ABHD2: variants seen among roughly 807,000 people sequenced by gnomAD.
ABHD2 encodes the protein abhydrolase domain containing 2, acylglycerol lipase, also known as monoacylglycerol lipase ABHD2.
A neutral mutation model predicts 48.1 loss-of-function variants in ABHD2; 20 were observed. That is an observed-to-expected ratio of 0.42 (90% CI 0.29 to 0.60). The LOEUF (loss-of-function observed/expected upper bound fraction) is 0.60, where lower values mean the gene tolerates loss of function less well. Ranked by LOEUF, ABHD2 falls within the 20% of genes least tolerant of loss-of-function variation. The pLI is 0.24. For missense variants in ABHD2, 405 were observed against 550.9 expected, an observed-to-expected ratio of 0.74 and a Z score of 2.65; for synonymous variants, 209 against 214.2, an observed-to-expected ratio of 0.98 and a Z score of 0.21.
chr15:89,088,391 T>C (rs1026980431), upstream of ABHD2: 1 of 153,116 alleles, frequency 6.5e-6, no homozygotes, highest in Admixed American at 6.5e-5. This position sits in a 1 kb window ranked among gnomAD's most constrained non-coding sequence, Gnocchi z 6.8. Flanking sequence ...GTTAGGGGCG[T>C]GGCAGAAGCG....
chr15:89,194,486 T>G (rs1002861781), intron 10 of ABHD2, among the ~76,000 whole-genome samples: 33 of 152,170 alleles, frequency 2.2e-4, no homozygotes, highest in African/African-American at 8.0e-4. Flanking sequence ...GGTTATTATT[T>G]CTCAGGATGG....
chr15:89,188,313 C>T lies in ABHD2; in HGVS notation c.926+10C>T, dbSNP rs1260218443. 36 of 1,613,258 alleles carry T rather than the reference C, an allele frequency of 2.2e-5. No individual in the cohort carries two copies. The East Asian group carries it at 7.1e-4, about 32-fold the overall frequency. The stretch of plus-strand genomic sequence containing the variant: ...ATGACAATGTGATGAGGTGTGTCCG[C>T]GCAGGCGGGAGAGGGACGCTCTGGG... On this transcript the variant is annotated intron_variant, in intron 8 of 10. Coordinates refer to ENST00000352732, the MANE Select transcript of ABHD2 (RefSeq NM_152924.5). The surrounding 1 kb of genome is among the most constrained non-coding windows in gnomAD (Gnocchi z 4.1).
Position 89,175,804 on chromosome 15 carries a change from G to A in ABHD2, c.539-8G>A. On this transcript the variant is annotated splice_polypyrimidine_tract_variant and splice_region_variant and intron_variant, in intron 5 of 10. Coordinates refer to ENST00000352732, the MANE Select transcript of ABHD2 (RefSeq NM_152924.5). This position sits in a 1 kb window ranked among gnomAD's most constrained non-coding sequence, Gnocchi z 5.7. The stretch of plus-strand genomic sequence containing the variant: ...AATGATTGAGCAATCTCACCCTTTT[G>A]CCCACAGGCTGCACGTGGGAATTTG... 1 of 1,613,818 alleles carries A rather than the reference G, an allele frequency of 6.2e-7. No homozygotes were observed. The highest frequency in any genetic ancestry group is 8.5e-7 in the Non-Finnish European group (1 of 1,179,884).
rs145981789 is a variant in ABHD2 at position 89,094,921 on chromosome 15, G to A, written c.-107+6358G>A. Among the ~76,000 whole-genome samples, 357 of 151,558 alleles carry A rather than the reference G, an allele frequency of 2.4e-3. 1 individual carries two copies. Among genetic ancestry groups the A allele is most frequent in the African/African-American group, 8.3e-3 (341 of 41,266 alleles). ...CCACTAAAAATACAAAATATTAGCC[G>A]GGCATGGTGGTTCACACTCAGAATC... On this transcript the variant is annotated intron_variant, in intron 1 of 10. Transcript: ENST00000352732. The surrounding 1 kb of genome is among the most constrained non-coding windows in gnomAD (Gnocchi z 4.7).
chr15:89,127,576 C>T (rs902452118), intron 3 of ABHD2, among the ~76,000 whole-genome samples: 1 of 151,762 alleles, frequency 6.6e-6, no homozygotes, highest in African/African-American at 2.4e-5. Flanking sequence ...TAATTTCTTA[C>T]TGATGTAAAG....
At chr15:89,043,025 C>T in the ABHD2 span, among the ~76,000 whole-genome samples, 8 of 152,096 alleles carry the variant, frequency 5.3e-5, no homozygotes, top group East Asian at 1.9e-4. Context: ...GTACATATTC[C>T]ACGGCTTGCC....
chr15:89,109,001 G>A (rs1160269234), intron 1 of ABHD2, among the ~76,000 whole-genome samples: 2 of 152,136 alleles, frequency 1.3e-5, no homozygotes, highest in Non-Finnish European at 2.9e-5. Context: ...GGCCTTTAGG[G>A]CCCAAAAAGA....
the ABHD2 span, among the ~76,000 whole-genome samples, chr15:89,059,145 A>G: frequency 6.6e-6 from 1 of 152,122 alleles, no homozygotes; most frequent in Non-Finnish European, 1.5e-5. Flanking sequence ...ATCTCCCATC[A>G]TGCCCTCTTC....
intron 5 of ABHD2, among the ~76,000 whole-genome samples, chr15:89,163,050 T>C (rs759898554): frequency 1.6e-4 from 25 of 152,356 alleles, no homozygotes; most frequent in Admixed American, 3.9e-4. Context: ...ACATTGCCTC[T>C]CTTTTGAGCA....
At chr15:89,118,555 A>G (rs138151420) in intron 3 of ABHD2, among the ~76,000 whole-genome samples, 1 of 152,300 alleles carries the variant, frequency 6.6e-6, no homozygotes, top group African/African-American at 2.4e-5. Flanking sequence ...CAGTTTGGGT[A>G]GGACTGCTAG....
At chr15:89,061,243 C>A in the ABHD2 span, among the ~76,000 whole-genome samples, 1 of 152,004 alleles carries the variant, frequency 6.6e-6, no homozygotes, top group Non-Finnish European at 1.5e-5. Context: ...CATGGTGAAA[C>A]CCCATCTCTA....
chr15:89,201,527 T>A lies in ABHD2; in HGVS notation c.*6104T>A. 1 of 1,594,446 alleles carries A rather than the reference T, an allele frequency of 6.3e-7. No homozygotes were observed. Among genetic ancestry groups the A allele is most frequent in the East Asian group, 2.2e-5 (1 of 44,800 alleles). On this transcript the variant is annotated 3_prime_UTR_variant, in exon 11 of 11. Transcript: ENST00000352732. ...GCAAAAATTGTACCATAAACTTGTG[T>A]TTACTCTTTTCATTCGGATCATAGT...
chr15:89,144,372 A>C (rs2150873483), intron 3 of ABHD2, among the ~76,000 whole-genome samples: 1 of 152,306 alleles, frequency 6.6e-6, no homozygotes, highest in Non-Finnish European at 1.5e-5. Context: ...ACCTCAAGTG[A>C]TCTGCCTGCC....
intron 5 of ABHD2, among the ~76,000 whole-genome samples, chr15:89,160,388 T>G (rs909443507): frequency 6.6e-6 from 1 of 152,208 alleles, no homozygotes; most frequent in Non-Finnish European, 1.5e-5. Context: ...CACCCAGTAC[T>G]GTTCTCAATT....
chr15:89,124,097 T>C (rs1412780187), intron 3 of ABHD2, among the ~76,000 whole-genome samples: 3 of 152,246 alleles, frequency 2.0e-5, no homozygotes, highest in Non-Finnish European at 4.4e-5. Context: ...CAAAATATGC[T>C]ATTTTTGTCC....
chr15:89,045,845 G>T, the ABHD2 span, among the ~76,000 whole-genome samples: 3 of 152,212 alleles, frequency 2.0e-5, no homozygotes, highest in African/African-American at 4.8e-5. Flanking sequence ...CCTGCAAACA[G>T]CGACAATTTG....
Position 89,174,437 on chromosome 15 carries a change from C to G in ABHD2, c.539-1375C>G, listed in dbSNP as rs2050977773. Among the ~76,000 whole-genome samples the G allele has an allele frequency of 6.6e-6, 1 of 152,198 alleles. No homozygotes were observed. Among genetic ancestry groups the G allele is most frequent in the South Asian group, 2.1e-4 (1 of 4,832 alleles). ...CCCAGGAATGGTCATTTCTAACACCCTCTCCAGGTGATTCTATGCACACTG... is the reference window on the plus strand; with the variant it reads ...CCCAGGAATGGTCATTTCTAACACCGTCTCCAGGTGATTCTATGCACACTG... On this transcript the variant is annotated intron_variant, in intron 5 of 10. Coordinates refer to ENST00000352732, the MANE Select transcript of ABHD2 (RefSeq NM_152924.5). This position sits in a 1 kb window ranked among gnomAD's most constrained non-coding sequence, Gnocchi z 4.1.
At chr15:89,080,231 G>A in the ABHD2 span, among the ~76,000 whole-genome samples, 2 of 152,228 alleles carry the variant, frequency 1.3e-5, no homozygotes, top group Non-Finnish European at 2.9e-5. Flanking sequence ...CAGTGGTGCA[G>A]AGGTTTTGCC....
chr15:89,049,792 C>T, the ABHD2 span, among the ~76,000 whole-genome samples: 1 of 152,236 alleles, frequency 6.6e-6, no homozygotes, highest in Non-Finnish European at 1.5e-5. Context: ...CACTGTCTGG[C>T]ACTCCCTAGT....
Sources: gnomAD v4.1 joint callset for allele counts (sites outside exome capture counted in the v4.1 genomes callset) on GRCh38, gnomAD v4.1.1 for gene constraint, Gnocchi (gnomAD v3.1) non-coding constraint, MANE v1.5 for transcripts, NCBI Gene and HGNC (gene_info 2026-07-23, HGNC 2026-07-21) for gene names.